The following ZNF438 variants were observed in gnomAD, a reference collection of about 807,000 sequenced individuals.
ZNF438 encodes the protein zinc finger protein 438.
A neutral mutation model predicts 38.0 loss-of-function variants in ZNF438; 25 were observed. The ratio of observed to expected loss-of-function variants is 0.66; its 90% confidence interval spans 0.48 to 0.92. The LOEUF (loss-of-function observed/expected upper bound fraction) is 0.92. Ranked by LOEUF, ZNF438 falls within the 40% of genes least tolerant of loss-of-function variation. The pLI, the probability that ZNF438 is intolerant of heterozygous loss-of-function variation, is 0.00. For missense variants in ZNF438, 1,007 were observed against 999.6 expected, an observed-to-expected ratio of 1.01 and a Z score of -0.10; for synonymous variants, 372 against 364.1, an observed-to-expected ratio of 1.02 and a Z score of -0.25.
At chr10:30,897,129 G>C (rs1358156148) in intron 3 of ZNF438, among the ~76,000 whole-genome samples, 1 of 152,112 alleles carries the variant, frequency 6.6e-6, no homozygotes, top group Non-Finnish European at 1.5e-5. Flanking sequence ...TGTTTTACTA[G>C]TACTCTGGTA....
At chr10:30,950,215 A>C (rs2047998911) in intron 1 of ZNF438, among the ~76,000 whole-genome samples, 1 of 151,936 alleles carries the variant, frequency 6.6e-6, no homozygotes, top group African/African-American at 2.4e-5. Flanking sequence ...ACAAAGACAC[A>C]ACATACCAGA....
intron 1 of ZNF438, among the ~76,000 whole-genome samples, chr10:31,004,442 A>G (rs2054932677): frequency 6.6e-6 from 1 of 152,210 alleles, no homozygotes; most frequent in African/African-American, 2.4e-5. Context: ...AGGCCAAGAG[A>G]CAAGTGTTTC....
intron 1 of ZNF438, among the ~76,000 whole-genome samples, chr10:30,990,616 A>T (rs969783966): frequency 6.6e-6 from 1 of 152,206 alleles, no homozygotes; most frequent in Non-Finnish European, 1.5e-5. Context: ...AAAGGAATCA[A>T]ATCTGAGTCT....
At chr10:30,922,994 A>G (rs943291559) in intron 2 of ZNF438, among the ~76,000 whole-genome samples, 2 of 152,368 alleles carry the variant, frequency 1.3e-5, no homozygotes, top group East Asian at 1.9e-4. Flanking sequence ...TCATTTGATA[A>G]GTCTTAGTTA....
intron 1 of ZNF438, among the ~76,000 whole-genome samples, chr10:31,031,115 G>A (rs2133476359): frequency 6.6e-6 from 1 of 152,330 alleles, no homozygotes; most frequent in East Asian, 1.9e-4. Context: ...ATCAGATGGA[G>A]GGAAGGTTGT....
intron 3 of ZNF438, among the ~76,000 whole-genome samples, chr10:30,903,334 C>T (rs1370232552): frequency 6.6e-6 from 1 of 152,204 alleles, no homozygotes; most frequent in Non-Finnish European, 1.5e-5. Context: ...TGAGGGCTGC[C>T]AGCACACTGT....
chr10:30,874,114 G>GTATATATATATA (rs58422289), intron 4 of ZNF438, among the ~76,000 whole-genome samples: 33 of 80,234 alleles, frequency 4.1e-4, no homozygotes, highest in Admixed American at 4.9e-4. Context: ...GTGTGTGTGT[G>GTATATATATATA]TATATATATA....
chr10:30,857,420 A>G (rs1314532517), intron 4 of ZNF438, among the ~76,000 whole-genome samples: 1 of 151,954 alleles, frequency 6.6e-6, no homozygotes, highest in African/African-American at 2.4e-5. Context: ...ATGCCCAGCT[A>G]ATTTTTCTAT....
intron 4 of ZNF438, among the ~76,000 whole-genome samples, chr10:30,868,241 T>C (rs1385920153): frequency 6.6e-6 from 1 of 152,032 alleles, no homozygotes; most frequent in Non-Finnish European, 1.5e-5. Flanking sequence ...AGCTAATGTT[T>C]TGCATTTTTA....
intron 4 of ZNF438, among the ~76,000 whole-genome samples, chr10:30,856,081 G>A (rs2034577112): frequency 6.6e-6 from 1 of 152,204 alleles, no homozygotes; most frequent in African/African-American, 2.4e-5. Context: ...TGATGAGTGT[G>A]TGTCTATGCA....
exon 5 of ZNF438, chr10:30,850,326 C>A (rs143937592): frequency 6.2e-7 from 1 of 1,614,120 alleles, no homozygotes; most frequent in African/African-American, 1.3e-5. Flanking sequence ...TTCTGCAAAC[C>A]TTTCCTACTC....
chr10:30,935,055 ATC>A (rs1470838935), intron 2 of ZNF438, among the ~76,000 whole-genome samples: 2 of 152,360 alleles, frequency 1.3e-5, no homozygotes, highest in Admixed American at 1.3e-4. Context: ...TGAATTAAAC[ATC>A]TCTGAAAGTT....
chr10:30,932,603 C>A (rs145457578), intron 2 of ZNF438, among the ~76,000 whole-genome samples: 50 of 152,294 alleles, frequency 3.3e-4, no homozygotes, highest in African/African-American at 9.6e-4. Flanking sequence ...TTGAATGCAG[C>A]ACTCTGCCTC....
intron 2 of ZNF438, among the ~76,000 whole-genome samples, chr10:30,931,581 C>A (rs573623554): frequency 3.9e-5 from 6 of 152,142 alleles, no homozygotes; most frequent in Non-Finnish European, 5.9e-5. Context: ...GTCCCTTTCA[C>A]CATTTAGGTC....
intron 4 of ZNF438, among the ~76,000 whole-genome samples, chr10:30,870,438 G>C (rs1185031591): frequency 1.5e-5 from 2 of 137,606 alleles, no homozygotes; most frequent in Non-Finnish European, 1.6e-5. Context: ...TTTTTTTTTT[G>C]CATTTTTTGT....
chr10:30,952,499 T>A (rs1307645198), intron 1 of ZNF438, among the ~76,000 whole-genome samples: 1 of 150,970 alleles, frequency 6.6e-6, no homozygotes, highest in Admixed American at 6.6e-5. Flanking sequence ...CGCAACCTAC[T>A]CATCTGACAA....
intron 3 of ZNF438, among the ~76,000 whole-genome samples, chr10:30,879,713 C>T (rs1358186203): frequency 1.3e-5 from 2 of 151,814 alleles, no homozygotes; most frequent in East Asian, 1.9e-4. Context: ...ACATTAGACA[C>T]GTCAGAAGAA....
chr10:30,850,334 C>T (rs772794442), exon 5 of ZNF438: 1 of 1,614,024 alleles, frequency 6.2e-7, no homozygotes, highest in Non-Finnish European at 8.5e-7. Context: ...ACCTTTCCTA[C>T]TCTGTATTGT....
intron 1 of ZNF438, among the ~76,000 whole-genome samples, chr10:31,019,699 C>T (rs182544695): frequency 1.5e-3 from 236 of 152,300 alleles, no homozygotes; most frequent in Non-Finnish European, 2.3e-3. Context: ...ATACAGGATG[C>T]CCCACTGAAT....
Sources: gnomAD v4.1 joint callset for allele counts (sites outside exome capture counted in the v4.1 genomes callset) on GRCh38, gnomAD v4.1.1 for gene constraint, MANE v1.5 for transcripts, NCBI Gene and HGNC (gene_info 2026-07-23, HGNC 2026-07-21) for gene names.